Variants in DCAF6 observed in about 807,000 individuals in gnomAD.
DCAF6 encodes DDB1 and CUL4 associated factor 6, also known as DDB1- and CUL4-associated factor 6.
Under a neutral mutation model 125.1 loss-of-function variants are expected in DCAF6, and 54 were observed. The ratio of observed to expected loss-of-function variants is 0.43; its 90% CI spans 0.35 to 0.54. The LOEUF (loss-of-function observed/expected upper bound fraction) is 0.54, where lower values mean the gene tolerates loss of function less well. Ranked by LOEUF, DCAF6 falls within the 20% of genes least tolerant of loss-of-function variation. DCAF6 has a pLI of 0.01. For missense variants in DCAF6, 934 were observed against 1,161.7 expected (o/e 0.80, Z 2.85); for synonymous variants, 371 against 390.4 (o/e 0.95, Z 0.58).
intron 11 of DCAF6, chr1:168,019,545 G>A (rs1288013884): frequency 3.1e-5 from 14 of 455,786 alleles, no homozygotes; most frequent in Non-Finnish European, 4.9e-5. Flanking sequence ...TCCATTTCAG[G>A]TCCCCTGAAG....
chr1:168,066,985 A>G (rs567720945), intron 20 of DCAF6, among the ~76,000 whole-genome samples: 6 of 152,232 alleles, frequency 3.9e-5, no homozygotes, highest in Admixed American at 6.5e-5. Context: ...TTAAAACAGT[A>G]TTTTCAGCCT....
At chr1:167,893,057 C>T in the DCAF6 span, among the ~76,000 whole-genome samples, 2 of 152,120 alleles carry the variant, frequency 1.3e-5, no homozygotes, top group Non-Finnish European at 2.9e-5. Flanking sequence ...TTATAATTCA[C>T]ATGGAATAAT....
At chr1:167,866,502 A>G in the DCAF6 span, among the ~76,000 whole-genome samples, 1 of 142,508 alleles carries the variant, frequency 7.0e-6, no homozygotes, top group Non-Finnish European at 1.5e-5. Flanking sequence ...GGGCTACCTG[A>G]CCTGACGAAA....
At chr1:167,935,539 A>G (rs1187299382), upstream of DCAF6, among the ~76,000 whole-genome samples, 5 of 152,174 alleles carry the variant, frequency 3.3e-5, no homozygotes, top group Admixed American at 3.3e-4. Context: ...GACTTGAGAT[A>G]CGTTGGCTTA....
intron 12 of DCAF6, among the ~76,000 whole-genome samples, chr1:168,032,334 T>C (rs959841691): frequency 5.9e-5 from 9 of 152,234 alleles, no homozygotes; most frequent in African/African-American, 2.2e-4. Flanking sequence ...AGCAGTCTAC[T>C]CCTAGAAGCA....
At chr1:168,052,359 A>T (rs1387993712) in intron 17 of DCAF6, among the ~76,000 whole-genome samples, 1 of 152,222 alleles carries the variant, frequency 6.6e-6, no homozygotes, top group Non-Finnish European at 1.5e-5. Context: ...AAAAGCTGAA[A>T]CACTAAAGTA....
intron 1 of DCAF6, among the ~76,000 whole-genome samples, chr1:167,938,235 C>T (rs1302447721): frequency 6.6e-6 from 1 of 150,572 alleles, no homozygotes; most frequent in Non-Finnish European, 1.5e-5. Flanking sequence ...CTTACAAGTA[C>T]ATATGTACAT....
At chr1:168,040,511 T>G (rs988771169) in intron 13 of DCAF6, among the ~76,000 whole-genome samples, 2 of 151,590 alleles carry the variant, frequency 1.3e-5, no homozygotes, top group Admixed American at 1.3e-4. Flanking sequence ...GTGATGGGAT[T>G]CTAGATATAT....
At chr1:167,878,592 G>A in the DCAF6 span, 182 of 1,614,132 alleles carry the variant, frequency 1.1e-4, 1 homozygote, top group Admixed American at 3.0e-3. Context: ...TTCCTGGGTA[G>A]TACATCATCA....
At chr1:167,938,440 T>A (rs1245697939) in intron 1 of DCAF6, among the ~76,000 whole-genome samples, 1 of 152,246 alleles carries the variant, frequency 6.6e-6, no homozygotes, top group Non-Finnish European at 1.5e-5. Flanking sequence ...GTACTCAACC[T>A]TTCTTCTTTA....
chr1:167,928,592 A>T, the DCAF6 span, among the ~76,000 whole-genome samples: 1 of 152,240 alleles, frequency 6.6e-6, no homozygotes, highest in African/African-American at 2.4e-5. Context: ...TAAAGTTTTG[A>T]CAAAACAAAG....
chr1:167,969,059 T>TA (rs1557906173), intron 3 of DCAF6: 1 of 152,160 alleles, frequency 6.6e-6, no homozygotes, highest in South Asian at 2.1e-4. Flanking sequence ...GGTTTTTTTT[T>TA]ACCATTCTGA....
intron 3 of DCAF6, among the ~76,000 whole-genome samples, chr1:167,970,552 G>A (rs1411598285): frequency 6.6e-6 from 1 of 152,086 alleles, no homozygotes; most frequent in South Asian, 2.1e-4. Flanking sequence ...GGAGGGAGTG[G>A]CAGGAGGATC....
the DCAF6 span, chr1:167,904,791 G>C: frequency 3.0e-6 from 2 of 668,446 alleles, no homozygotes; most frequent in African/African-American, 3.6e-5. Context: ...GCCTATGACT[G>C]GCAGTCCTGA....
At chr1:167,901,657 C>T in the DCAF6 span, 4 of 1,613,970 alleles carry the variant, frequency 2.5e-6, no homozygotes, top group Non-Finnish European at 3.4e-6. Flanking sequence ...TTCTCAAATG[C>T]TTACCTATCT....
upstream of DCAF6, among the ~76,000 whole-genome samples, chr1:167,930,930 T>C (rs1159127888): frequency 6.6e-6 from 1 of 152,258 alleles, no homozygotes; most frequent in Non-Finnish European, 1.5e-5. Flanking sequence ...ATGTTAAGTG[T>C]TGAACAACTG....
chr1:168,009,378 CCTTCCTTCCTTTCTTTCTTT>C (rs1683886183), intron 10 of DCAF6, among the ~76,000 whole-genome samples: 1 of 119,176 alleles, frequency 8.4e-6, no homozygotes, highest in Admixed American at 7.9e-5. Flanking sequence ...TTCCTTCCTT[CCTTCCTTCCTTTCTTTCTTT>C]CTTTCTCTCT....
At chr1:167,899,891 C>G in the DCAF6 span, among the ~76,000 whole-genome samples, 18 of 152,298 alleles carry the variant, frequency 1.2e-4, no homozygotes, top group East Asian at 2.9e-3. Context: ...TACCAGTCCC[C>G]AAAGTTATTT....
chr1:168,072,294 TAAAAAAAAAAA>T (rs59674650), intron 21 of DCAF6, among the ~76,000 whole-genome samples: 27 of 41,012 alleles, frequency 6.6e-4, no homozygotes, highest in Middle Eastern at 0.028. Context: ...AGAATCAGTC[TAAAAAAAAAAA>T]AAAAAAAAAA....
Sources: gnomAD v4.1 joint callset for allele counts (sites outside exome capture counted in the v4.1 genomes callset) on GRCh38, gnomAD v4.1.1 for gene constraint, MANE v1.5 for transcripts, NCBI Gene and HGNC (gene_info 2026-07-23, HGNC 2026-07-21) for gene names.